GPAT4: variants seen among roughly 807,000 people sequenced by gnomAD.
GPAT4 encodes the protein glycerol-3-phosphate acyltransferase 4.
In GPAT4, 17 loss-of-function variants were observed where a neutral mutation model predicts 58.0. The observed-to-expected ratio is 0.29, with a 90% CI of 0.20 to 0.44. The LOEUF (loss-of-function observed/expected upper bound fraction) is 0.44, where lower values mean the gene tolerates loss of function less well. Ranked by LOEUF, GPAT4 falls within the 20% of genes least tolerant of loss-of-function variation. The pLI, the probability that GPAT4 is intolerant of heterozygous loss-of-function variation, is 1.00. For synonymous variants in GPAT4, 204 were observed against 210.1 expected (o/e 0.97, Z 0.25); for missense variants, 377 against 574.5 (o/e 0.66, Z 3.51).
chr8:41,615,067 T>C lies in GPAT4; in HGVS notation c.1053+19T>C. 1 of 1,595,714 alleles carries C rather than the reference T, an allele frequency of 6.3e-7. No individual in the cohort carries two copies. The highest frequency in any genetic ancestry group is 8.6e-7 in the Non-Finnish European group (1 of 1,163,612). The stretch of plus-strand genomic sequence containing the variant: ...TATCAAGGTATAAGACCTCCGATGG[T>C]ACACACTGTCATTACTGGAGCTGCT... On this transcript the variant is annotated intron_variant, in intron 10 of 12. Transcript: ENST00000396987.
Position 41,620,981 on chromosome 8 carries a change from A to G in GPAT4, c.1351A>G (p.Lys451Glu), listed in dbSNP as rs1236183522. The stretch of plus-strand genomic sequence containing the variant: ...CAGCAAGATGATCGTGGGGAACCAC[A>G]AGGACAGGAGCCGCTCCTGAGCCTG... ...LYSKMIVGNH[K>E]DRSRS Residue 451 changes from lysine (K) to glutamate (E), a missense_variant, in exon 13 of 13, where the codon AAG becomes GAG. Physicochemically the swap from Lys to Glu is moderately conservative, Grantham distance 56. Coordinates refer to ENST00000396987, the MANE Select transcript of GPAT4 (RefSeq NM_178819.4). The G allele has an allele frequency of 1.9e-6, 3 of 1,551,180 alleles. No homozygotes were observed. In the Admixed American group the frequency reaches 5.9e-5, roughly 30 times the overall value.
In GPAT4 at chr8:41,603,525, CAAAAAAAAAA is replaced by C. The variant is rs35302781; in HGVS notation, c.165+4233_165+4242del. On this transcript the variant is annotated intron_variant, in intron 2 of 12. Coordinates refer to ENST00000396987, the MANE Select transcript of GPAT4 (RefSeq NM_178819.4). ...TGGGTGACAAAGCAAGACTCCGTCT[CAAAAAAAAAA>C]AAAAAAAAAAAGTAATTTTGGGCCC... Among the ~76,000 whole-genome samples the C allele has an allele frequency of 5.9e-5, 5 of 85,306 alleles. No homozygotes were observed. In the Admixed American group the frequency reaches 6.9e-4, roughly 12 times the overall value. 56.0% of individuals were successfully genotyped at this position (85,306 alleles called of 152,430 possible). A position where few individuals can be genotyped will look rare whatever the true frequency, so the allele number is the denominator to read the frequency against.
intron 2 of GPAT4, among the ~76,000 whole-genome samples, chr8:41,607,088 G>T (rs1268061175): frequency 6.6e-6 from 1 of 152,142 alleles, no homozygotes; most frequent in African/African-American, 2.4e-5. Flanking sequence ...GGCAGAAAGA[G>T]TCCAGTTCAT....
rs1585683343 is a variant in GPAT4 at position 41,624,004 on chromosome 8, A to C, written c.*3003A>C. 1 of 152,140 alleles carries C rather than the reference A, an allele frequency of 6.6e-6. No individual in the cohort carries two copies. The highest frequency in any genetic ancestry group is 6.5e-5 in the Admixed American group (1 of 15,270). 9.4% of individuals were successfully genotyped at this position (152,140 alleles called of 1,614,324 possible). On this transcript the variant is annotated 3_prime_UTR_variant, in exon 13 of 13. Transcript: ENST00000396987. ...AGGCATGCACCACCACACCCAGCTA[A>C]TTTTTTGTATTTAGTAGAGACTGGG...
At chr8:41,590,182 G>C (rs1308712225) in intron 1 of GPAT4, among the ~76,000 whole-genome samples, 1 of 151,694 alleles carries the variant, frequency 6.6e-6, no homozygotes, top group Admixed American at 6.6e-5. Flanking sequence ...GTCTTCCCAG[G>C]TTCAAGCAAT....
At position 41,581,868 on chromosome 8, in the gene GPAT4, C is replaced by T. The variant is rs530107880; in HGVS notation, c.-849+3590C>T. 5.4e-5 allele frequency among the ~76,000 whole-genome samples: 8 copies of T among 149,110 alleles called. No homozygotes were observed. The South Asian group carries it at 6.4e-4, about 12-fold the overall frequency. On this transcript the variant is annotated intron_variant, in intron 1 of 12. Coordinates refer to ENST00000396987, the MANE Select transcript of GPAT4 (RefSeq NM_178819.4). The stretch of plus-strand genomic sequence containing the variant: ...CAGGATGGTCTCGATCTCCTGACCT[C>T]GTGATCCCCCCGCCTCGGCCTCCCA...
intron 4 of GPAT4, 115 bp downstream of exon 4, chr8:41,610,070 G>C (rs577359157): frequency 2.0e-6 from 3 of 1,499,892 alleles, no homozygotes; most frequent in East Asian, 2.3e-5. Flanking sequence ...AATGACTGTC[G>C]TTAGCCAGGC....
chr8:41,599,242 A>G lies in GPAT4; in HGVS notation c.103A>G (p.Ile35Val). 4 of 1,614,068 alleles carry G rather than the reference A, an allele frequency of 2.5e-6. No individual in the cohort carries two copies. The highest frequency in any genetic ancestry group is 3.4e-6 in the Non-Finnish European group (4 of 1,180,000). ...LLLVFIIVPA[I>V]FGVSFGIRKL... ...TCTCGTTTTCATCATAGTGCCAGCC[A>G]TTTTTGGAGTCTCCTTTGGTATCCG... is the stretch of plus-strand genomic sequence containing the variant. Residue 35 changes from isoleucine (I) to valine (V), a missense_variant, in exon 2 of 13, where the codon ATT becomes GTT. Physicochemically the swap from Ile to Val is conservative, Grantham distance 29 (BLOSUM62 3). Coordinates refer to ENST00000396987, the MANE Select transcript of GPAT4 (RefSeq NM_178819.4).
intron 1 of GPAT4, among the ~76,000 whole-genome samples, chr8:41,590,065 A>G (rs1027125693): frequency 1.3e-5 from 2 of 152,046 alleles, no homozygotes; most frequent in African/African-American, 4.8e-5. Context: ...CTGATAATGG[A>G]GTCCAGATCT....
In GPAT4 at chr8:41,598,944, C is replaced by A. The variant is rs1482948838; in HGVS notation, c.-196C>A. The A allele has an allele frequency of 2.9e-6, 2 of 679,428 alleles. No homozygotes were observed. Among genetic ancestry groups the A allele is most frequent in the East Asian group, 5.5e-5 (2 of 36,398 alleles). The allele number at this position is 679,428 out of a possible 1,614,324, so 42.1% of individuals were successfully genotyped here. On this transcript the variant is annotated 5_prime_UTR_variant, in exon 2 of 13. The change creates a new upstream start codon in the 5' untranslated region. Coordinates refer to ENST00000396987, the MANE Select transcript of GPAT4 (RefSeq NM_178819.4). ...GAGACCTGGCGTTTGCAGTTGCCTC[C>A]TGTGGCCGTGTTTTTCTGTCATTCT...
chr8:41,587,701 T>C (rs569991006), intron 1 of GPAT4, among the ~76,000 whole-genome samples: 144 of 152,274 alleles, frequency 9.5e-4, no homozygotes, highest in African/African-American at 3.3e-3. Context: ...CCTGTAGATA[T>C]TGCCAGATGC....
At chr8:41,599,681 A>G (rs1329670338) in intron 2 of GPAT4, among the ~76,000 whole-genome samples, 1 of 152,228 alleles carries the variant, frequency 6.6e-6, no homozygotes, top group African/African-American at 2.4e-5. Context: ...TCTTCCAGGC[A>G]TTTATTCTAA....
intron 2 of GPAT4, among the ~76,000 whole-genome samples, chr8:41,608,403 C>T (rs1031100524): frequency 6.6e-6 from 1 of 152,214 alleles, no homozygotes; most frequent in African/African-American, 2.4e-5. Flanking sequence ...AATGCCTGTT[C>T]TGTTTCTCTG....
chr8:41,601,134 A>G (rs58352490), intron 2 of GPAT4, among the ~76,000 whole-genome samples: 1,428 of 116,322 alleles, frequency 0.012, 29 homozygotes, highest in African/African-American at 0.048. Flanking sequence ...ATCTTAGAGC[A>G]TTGCTTAAGG....
rs1366737881 is a variant in GPAT4 at position 41,610,195 on chromosome 8, C to T, written c.536+240C>T. 2.9e-6 allele frequency: 4 copies of T among 1,364,622 alleles called. No homozygotes were observed. In the Admixed American group the frequency reaches 1.4e-4, roughly 47 times the overall value. The allele number at this position is 1,364,622 out of a possible 1,614,324, so 84.5% of individuals were successfully genotyped here. A position where few individuals can be genotyped will look rare whatever the true frequency, so the allele number is the denominator to read the frequency against. ...AAAGACAGCTTGCTTCTCTAGATGACAGCAAACACAGGGACAGGGAACATT... is the reference window on the plus strand; with the variant it reads ...AAAGACAGCTTGCTTCTCTAGATGATAGCAAACACAGGGACAGGGAACATT... On this transcript the variant is annotated intron_variant, in intron 4 of 12. Transcript: ENST00000396987.
chr8:41,579,573 C>CA (rs1437606580), intron 1 of GPAT4, among the ~76,000 whole-genome samples: 1 of 150,226 alleles, frequency 6.7e-6, no homozygotes, highest in African/African-American at 2.4e-5. Context: ...CGTGGTGACT[C>CA]ACGCCGGTAA....
At chr8:41,579,575 C>G (rs1024703460) in intron 1 of GPAT4, among the ~76,000 whole-genome samples, 1 of 150,094 alleles carries the variant, frequency 6.7e-6, no homozygotes, top group Admixed American at 6.7e-5. Context: ...TGGTGACTCA[C>G]GCCGGTAATC....
At chr8:41,606,558 A>G (rs1306748472) in intron 2 of GPAT4, among the ~76,000 whole-genome samples, 1 of 152,214 alleles carries the variant, frequency 6.6e-6, no homozygotes, top group Middle Eastern at 3.2e-3. Flanking sequence ...AACTCTCAAA[A>G]GCAGATTAAT....
intron 2 of GPAT4, among the ~76,000 whole-genome samples, chr8:41,602,920 A>G (rs1248406165): frequency 2.0e-5 from 3 of 151,988 alleles, no homozygotes; most frequent in South Asian, 2.1e-4. Flanking sequence ...AGCCCTCTGA[A>G]GTCCCTTTTT....
Sources: gnomAD v4.1 joint callset for allele counts (sites outside exome capture counted in the v4.1 genomes callset) on GRCh38, gnomAD v4.1.1 for gene constraint, MANE v1.5 for transcripts, NCBI Gene and HGNC (gene_info 2026-07-23, HGNC 2026-07-21) for gene names.